The following LEKR1 variants were observed in gnomAD, a reference collection of about 807,000 sequenced individuals.
LEKR1 encodes leucine, glutamate and lysine rich 1.
Under a neutral mutation model 72.4 loss-of-function variants are expected in LEKR1, and 59 were observed. The observed-to-expected ratio is 0.82, with a 90% confidence interval of 0.66 to 1.01. The LOEUF (loss-of-function observed/expected upper bound fraction) is 1.01. Among genes scored for constraint, LEKR1 ranks in the 50% least tolerant of loss-of-function variants. LEKR1 has a pLI of 0.00. For synonymous variants in LEKR1, 257 were observed against 263.2 expected (o/e 0.98, Z 0.23); for missense variants, 728 against 759.2 (o/e 0.96, Z 0.48).
chr3:156,862,492 C>T (rs1716881801), intron 3 of LEKR1, among the ~76,000 whole-genome samples: 1 of 152,038 alleles, frequency 6.6e-6, no homozygotes, highest in South Asian at 2.1e-4. Context: ...GTTTCATCAT[C>T]TGTAAAATGG....
At chr3:156,942,897 T>A (rs1455482083) in intron 6 of LEKR1, 183 bp downstream of exon 6, 1 of 297,550 alleles carries the variant, frequency 3.4e-6, no homozygotes, top group Non-Finnish European at 6.3e-6. Flanking sequence ...TGTCATCATT[T>A]CCAGTTTTGC....
intron 3 of LEKR1, among the ~76,000 whole-genome samples, chr3:156,895,213 A>T (rs1159598814): frequency 6.6e-6 from 1 of 152,260 alleles, no homozygotes; most frequent in Non-Finnish European, 1.5e-5. Flanking sequence ...CCCATTAAAA[A>T]GTAGGCAAAG....
chr3:156,915,687 A>G (rs912370903), intron 3 of LEKR1, among the ~76,000 whole-genome samples: 1 of 151,786 alleles, frequency 6.6e-6, no homozygotes, highest in East Asian at 1.9e-4. Context: ...TAGTTTGTAA[A>G]TTTTGTCTTC....
intron 3 of LEKR1, among the ~76,000 whole-genome samples, chr3:156,880,554 T>C (rs560054216): frequency 6.2e-4 from 94 of 152,264 alleles, no homozygotes; most frequent in African/African-American, 2.1e-3. Flanking sequence ...GATTCACAGC[T>C]GAATTCTACC....
rs910412741 is a variant in LEKR1, at chr3:156,862,236, G to A, written c.263+9254G>A. Among the ~76,000 whole-genome samples the A allele has an allele frequency of 7.9e-5, 12 of 151,664 alleles. No individual in the cohort carries two copies. The South Asian group carries it at 8.3e-4, about 11-fold the overall frequency. ...TTTAAGGCATTCTTTTTCTCCCAAA[G>A]CTTTTTAATCAGCAGTTTCAGGCCC... On this transcript the variant is annotated intron_variant, in intron 3 of 12. Coordinates refer to ENST00000356539, the MANE Select transcript of LEKR1 (RefSeq NM_001004316.3).
chr3:156,939,499 A>G (rs911033292), intron 5 of LEKR1, among the ~76,000 whole-genome samples: 10 of 152,226 alleles, frequency 6.6e-5, no homozygotes, highest in Non-Finnish European at 1.5e-4. Flanking sequence ...CCCCATATAT[A>G]TTGCACAATA....
At chr3:156,948,814 A>C (rs9862338) in intron 6 of LEKR1, among the ~76,000 whole-genome samples, 131,595 of 151,498 alleles carry the variant, frequency 0.87, 57,458 homozygotes, top group African/African-American at 0.96. Context: ...TTCTCTGCAA[A>C]CTCACCAGCA....
At chr3:156,863,018 G>A (rs1043298821) in intron 3 of LEKR1, among the ~76,000 whole-genome samples, 6 of 152,068 alleles carry the variant, frequency 3.9e-5, no homozygotes, top group African/African-American at 1.2e-4. Flanking sequence ...GACCTCAAGG[G>A]TCAAAAGTTA....
chr3:156,995,410 CCTTT>C (rs1731483652), intron 9 of LEKR1, among the ~76,000 whole-genome samples: 1 of 152,096 alleles, frequency 6.6e-6, no homozygotes, highest in Non-Finnish European at 1.5e-5. Flanking sequence ...TTCTTCTTTT[CCTTT>C]CTTTTTTTTC....
chr3:156,909,587 G>T lies in LEKR1; in HGVS notation c.264-10988G>T, dbSNP rs147552659. Among the ~76,000 whole-genome samples, 1,469 of 148,662 alleles carry T rather than the reference G, an allele frequency of 9.9e-3. 22 individuals carry two copies. The highest frequency in any genetic ancestry group is 0.035 in the African/African-American group (1,414 of 40,394). On this transcript the variant is annotated intron_variant, in intron 3 of 12. Transcript: ENST00000356539. ...AATCGTTTGAACCCGGGAGGCAGAG[G>T]TTACAGTGAGCCGAGATCACGCCAC...
At chr3:157,004,652 C>T (rs1397466789) in intron 9 of LEKR1, among the ~76,000 whole-genome samples, 2 of 151,918 alleles carry the variant, frequency 1.3e-5, no homozygotes, top group African/African-American at 2.4e-5. Flanking sequence ...GTGTAATTAA[C>T]GTGGAAATCA....
At chr3:156,929,615 C>T (rs188453516) in intron 5 of LEKR1, among the ~76,000 whole-genome samples, 207 of 152,042 alleles carry the variant, frequency 1.4e-3, no homozygotes, top group African/African-American at 4.6e-3. Context: ...TATGTTTAAT[C>T]GCCGAAAACA....
At chr3:156,954,687 G>A (rs992232945) in intron 6 of LEKR1, among the ~76,000 whole-genome samples, 4 of 152,122 alleles carry the variant, frequency 2.6e-5, no homozygotes, top group Admixed American at 2.0e-4. Context: ...TCTTATTTCT[G>A]AGTTCTCTAT....
chr3:156,937,461 CAATT>C (rs1725823169), intron 5 of LEKR1, among the ~76,000 whole-genome samples: 1 of 152,088 alleles, frequency 6.6e-6, no homozygotes, highest in Non-Finnish European at 1.5e-5. Context: ...TGCAAAACCA[CAATT>C]AAATACAACT....
intron 3 of LEKR1, among the ~76,000 whole-genome samples, chr3:156,885,895 C>T (rs1720011600): frequency 6.6e-6 from 1 of 152,176 alleles, no homozygotes; most frequent in Non-Finnish European, 1.5e-5. Context: ...GGTTGGCCTA[C>T]AGCCAGGCAG....
At position 156,969,694 on chromosome 3, in the gene LEKR1, C is replaced by T. The variant is rs1259482438; in HGVS notation, c.746-9500C>T. 2.6e-5 allele frequency among the ~76,000 whole-genome samples: 4 copies of T among 152,278 alleles called. No individual in the cohort carries two copies. The East Asian group carries it at 7.7e-4, about 29-fold the overall frequency. On this transcript the variant is annotated intron_variant, in intron 6 of 12. Coordinates refer to ENST00000356539, the MANE Select transcript of LEKR1 (RefSeq NM_001004316.3). ...TCACAGCCGAATTCTACCAGAGGTA[C>T]AAGGAGGAGCTGGTACCATTCCTTC...
chr3:156,836,968 T>C (rs1471882052), intron 2 of LEKR1, among the ~76,000 whole-genome samples: 2 of 152,220 alleles, frequency 1.3e-5, no homozygotes, highest in African/African-American at 2.4e-5. Flanking sequence ...ATTTTCAAGC[T>C]TGTAAAGGAT....
intron 3 of LEKR1, among the ~76,000 whole-genome samples, chr3:156,885,862 G>T (rs1421933457): frequency 2.6e-5 from 4 of 152,212 alleles, no homozygotes; most frequent in African/African-American, 4.8e-5. Flanking sequence ...ATTCTGTTGT[G>T]AGTTTCTGTA....
chr3:156,888,354 A>G (rs1720316272), intron 3 of LEKR1: 2 of 702,296 alleles, frequency 2.8e-6, no homozygotes, highest in East Asian at 5.4e-5. Flanking sequence ...AGCTGAAAGA[A>G]CGAATGCCAG....
Sources: allele counts gnomAD v4.1 joint callset (sites outside exome capture counted in the v4.1 genomes callset), GRCh38; gene constraint gnomAD v4.1.1; transcripts MANE v1.5; gene names NCBI Gene and HGNC (gene_info 2026-07-23, HGNC 2026-07-21).